The following LPP variants were observed in gnomAD, a reference collection of about 807,000 sequenced individuals.
The protein encoded by LPP is lipoma-preferred partner.
In LPP, 38 loss-of-function variants were observed where a neutral mutation model predicts 60.4. That is an observed-to-expected ratio of 0.63 (90% confidence interval 0.49 to 0.83). LPP has a LOEUF of 0.83. LPP is among the 40% of genes least tolerant of loss of function. The pLI is 0.00. For missense variants in LPP, 902 were observed against 783.6 expected, an observed-to-expected ratio of 1.15 and a Z score of -1.80; for synonymous variants, 328 against 290.8, an observed-to-expected ratio of 1.13 and a Z score of -1.30.
chr3:188,440,242 T>C (rs1793438645), intron 4 of LPP, among the ~76,000 whole-genome samples: 1 of 152,226 alleles, frequency 6.6e-6, no homozygotes, highest in African/African-American at 2.4e-5. Context: ...TGTGTGATCT[T>C]AGAAAAGTTA....
At chr3:188,431,014 T>C (rs1349988127) in intron 4 of LPP, among the ~76,000 whole-genome samples, 1 of 152,130 alleles carries the variant, frequency 6.6e-6, no homozygotes, top group Admixed American at 6.5e-5. Context: ...TTTTGAGGTA[T>C]CATATTTTGC....
intron 1 of LPP, among the ~76,000 whole-genome samples, chr3:188,191,749 G>C (rs1304379276): frequency 6.6e-6 from 1 of 152,186 alleles, no homozygotes; most frequent in African/African-American, 2.4e-5. Context: ...TGAGTGTTCT[G>C]GATGCTGGGG....
At chr3:188,480,843 A>G (rs1421184169) in intron 4 of LPP, among the ~76,000 whole-genome samples, 1 of 152,176 alleles carries the variant, frequency 6.6e-6, no homozygotes, top group Non-Finnish European at 1.5e-5. Context: ...ACTGCATTTC[A>G]TTTCATCCAG....
At chr3:188,855,012 C>A (rs1428858753) in intron 9 of LPP, among the ~76,000 whole-genome samples, 1 of 152,110 alleles carries the variant, frequency 6.6e-6, no homozygotes, top group Non-Finnish European at 1.5e-5. Flanking sequence ...ACTCTGTATA[C>A]ACATAGCTGA....
chr3:188,754,824 C>G, intron 8 of LPP, among the ~76,000 whole-genome samples: 1 of 152,136 alleles, frequency 6.6e-6, no homozygotes, highest in East Asian at 1.9e-4. Context: ...TGCCACCATC[C>G]TAGAGCCTTC....
At chr3:188,535,258 A>G (rs1234228741) in intron 6 of LPP, among the ~76,000 whole-genome samples, 2 of 152,204 alleles carry the variant, frequency 1.3e-5, no homozygotes, top group African/African-American at 4.8e-5. Flanking sequence ...AAATATTTCA[A>G]TGTAAAGTAA....
chr3:188,206,381 A>T (rs1733234863), intron 1 of LPP, among the ~76,000 whole-genome samples: 1 of 152,046 alleles, frequency 6.6e-6, no homozygotes, highest in Admixed American at 6.6e-5. Flanking sequence ...CCTTGCTGAG[A>T]TTGGTACAAT....
chr3:188,293,859 G>C (rs1746877650), intron 2 of LPP, among the ~76,000 whole-genome samples: 1 of 151,918 alleles, frequency 6.6e-6, no homozygotes. Flanking sequence ...GAGGTCAGGA[G>C]TTCGAGACCA....
At chr3:188,276,889 CTTTTCTTTTTTTTTTTTTT>C (rs1301141384) in intron 2 of LPP, among the ~76,000 whole-genome samples, 4 of 60,160 alleles carry the variant, frequency 6.6e-5, no homozygotes, top group East Asian at 3.5e-4. Context: ...CACTTCTTTT[CTTTTCTTTTTTTTTTTTTT>C]TTTTTTTTTT....
chr3:188,288,825 A>ACCCCCCCCCC (rs1480877571), intron 2 of LPP, among the ~76,000 whole-genome samples: 2 of 25,506 alleles, frequency 7.8e-5, no homozygotes, highest in Admixed American at 3.6e-4. Context: ...CCCACCCCCC[A>ACCCCCCCCCC]CCCCCACCCC....
At chr3:188,780,769 CTT>C (rs1157135778) in intron 9 of LPP, among the ~76,000 whole-genome samples, 2 of 152,168 alleles carry the variant, frequency 1.3e-5, no homozygotes, top group Non-Finnish European at 1.5e-5. Flanking sequence ...GGATCCATGT[CTT>C]TATCAGATGC....
chr3:188,827,386 C>T (rs1307858576), intron 9 of LPP, among the ~76,000 whole-genome samples: 1 of 152,130 alleles, frequency 6.6e-6, no homozygotes, highest in African/African-American at 2.4e-5. Flanking sequence ...CGTTTAAGTC[C>T]CTGCCTATAC....
At chr3:188,239,735 A>T in intron 2 of LPP, 1 of 217,870 alleles carries the variant, frequency 4.6e-6, no homozygotes, top group Non-Finnish European at 9.2e-6. Context: ...AAACAAATAA[A>T]CAAGCACAAA....
In LPP at chr3:188,354,836, G is replaced by GACACACACACAC. The variant is rs59234691; in HGVS notation, c.-10+13119_-10+13130dup. 5.3e-3 allele frequency among the ~76,000 whole-genome samples: 798 copies of GACACACACACAC among 151,524 alleles called. 6 individuals are homozygous for GACACACACACAC. The highest frequency in any genetic ancestry group is 0.014 in the African/African-American group (597 of 41,326). ...GCGCGTGCGCGCACACACACACACAGACACACACACACAGGGAGGACAAAA... is the reference window on the plus strand; with the variant it reads ...GCGCGTGCGCGCACACACACACACAGACACACACACACACACACACACACAGGGAGGACAAAA... On this transcript the variant is annotated intron_variant, in intron 3 of 11. Coordinates refer to ENST00000617246, the MANE Select transcript of LPP (RefSeq NM_001375462.1).
At chr3:188,242,266 C>T (rs572703564) in intron 2 of LPP, among the ~76,000 whole-genome samples, 17 of 152,238 alleles carry the variant, frequency 1.1e-4, no homozygotes, top group Non-Finnish European at 2.1e-4. Flanking sequence ...CTATTTCTAA[C>T]TTATAGGTAA....
intron 9 of LPP, among the ~76,000 whole-genome samples, chr3:188,862,098 A>T (rs9831757): frequency 0.31 from 47,207 of 152,100 alleles, 8,848 homozygotes; most frequent in East Asian, 0.84. Context: ...ACTATTGTGG[A>T]TACCGTAGAT....
At chr3:188,602,104 A>G in intron 6 of LPP, among the ~76,000 whole-genome samples, 1 of 137,920 alleles carries the variant, frequency 7.3e-6, no homozygotes, top group Admixed American at 7.4e-5. Flanking sequence ...ACACATATAC[A>G]TATACACACA....
At chr3:188,470,033 T>C (rs1054884275) in intron 4 of LPP, among the ~76,000 whole-genome samples, 1 of 152,154 alleles carries the variant, frequency 6.6e-6, no homozygotes, top group Admixed American at 6.6e-5. Context: ...AGGTAAGTGC[T>C]GTTGCTCTCA....
In LPP at chr3:188,368,713, CACACACAGAG is replaced by C. The variant is rs1277173829; in HGVS notation, c.-10+26996_-10+27005del. 7.8e-3 allele frequency among the ~76,000 whole-genome samples: 918 copies of C among 117,554 alleles called. 5 individuals carry two copies. Among genetic ancestry groups the C allele is most frequent in the East Asian group, 0.022 (84 of 3,760 alleles). The allele number at this position is 117,554 out of a possible 152,430, so 77.1% of individuals were successfully genotyped here. A position where few individuals can be genotyped will look rare whatever the true frequency, so the allele number is the denominator to read the frequency against. The stretch of plus-strand genomic sequence containing the variant: ...ACACACACACACACACACACACACA[CACACACAGAG>C]AGAGAGAGAGAGAGAGAGAGAGAGA... On this transcript the variant is annotated intron_variant, in intron 3 of 11. Transcript: ENST00000617246.
Sources: allele counts gnomAD v4.1 joint callset (sites outside exome capture counted in the v4.1 genomes callset), GRCh38; gene constraint gnomAD v4.1.1; transcripts MANE v1.5; gene names NCBI Gene and HGNC (gene_info 2026-07-23, HGNC 2026-07-21).